Variants in INSR observed in about 807,000 individuals in gnomAD.
The protein encoded by INSR is insulin receptor, also known as IR.
In INSR, 67 loss-of-function variants were observed where a neutral mutation model predicts 142.6. That is an observed-to-expected ratio of 0.47 (90% CI 0.39 to 0.58). The LOEUF is 0.58. INSR is among the 20% of genes least tolerant of loss of function. The pLI, the probability that INSR is intolerant of heterozygous loss-of-function variation, is 0.00. For missense variants in INSR, 1,248 were observed against 1,833.2 expected (o/e 0.68, Z 5.83); for synonymous variants, 756 against 743.1 (o/e 1.02, Z -0.28).
rs1471757274 is a variant in INSR, at chr19:7,152,999, CACACACACACACA to C, written c.2030-85_2030-73del. 4.6e-3 allele frequency: 3,178 copies of C among 695,254 alleles called. 341 individuals are homozygous for C. In the African/African-American group the frequency reaches 0.06, roughly 13 times the overall value. The allele number at this position is 695,254 out of a possible 1,614,324, so 43.1% of individuals were successfully genotyped here. On this transcript the variant is annotated intron_variant, in intron 9 of 21. Coordinates refer to ENST00000302850, the MANE Select transcript of INSR (RefSeq NM_000208.4). ...CACACATACACACACACACACACCCCACACACACACACACCACACACACACACCACACACACAC... is the reference window on the plus strand; with the variant it reads ...CACACATACACACACACACACACCCCCCACACACACACACCACACACACAC...
chr19:7,264,388 C>T (rs554645228), intron 2 of INSR, among the ~76,000 whole-genome samples: 1 of 152,134 alleles, frequency 6.6e-6, no homozygotes, highest in Non-Finnish European at 1.5e-5. Flanking sequence ...CAGCAGGGAG[C>T]AGGAGACTCA....
intron 1 of INSR, among the ~76,000 whole-genome samples, chr19:7,292,477 G>C (rs889493271): frequency 1.3e-5 from 2 of 150,030 alleles, no homozygotes; most frequent in African/African-American, 4.9e-5. Flanking sequence ...GGCTGGGGGG[G>C]GGTGGGCCCG....
Position 7,116,022 on chromosome 19 carries a change from C to G in INSR, c.*1034G>C, listed in dbSNP as rs1444008785. On this transcript the variant is annotated 3_prime_UTR_variant, in exon 22 of 22. Transcript: ENST00000302850. ...AGTCAATAACTTATGAGGCTAATAC[C>G]AGAGACTTTAAAAATTAAATATGGT... 6.6e-6 allele frequency: 1 copy of G among 151,974 alleles called. No individual in the cohort carries two copies. Among genetic ancestry groups the G allele is most frequent in the Non-Finnish European group, 1.5e-5 (1 of 68,000 alleles). The allele number at this position is 151,974 out of a possible 1,614,324, so 9.4% of individuals were successfully genotyped here. A position where few individuals can be genotyped will look rare whatever the true frequency, so the allele number is the denominator to read the frequency against.
chr19:7,179,993 G>A (rs1455686085), intron 3 of INSR, among the ~76,000 whole-genome samples: 3 of 152,192 alleles, frequency 2.0e-5, no homozygotes, highest in African/African-American at 7.2e-5. Context: ...CTTCCTGGCT[G>A]CTGGGGTAAG....
In INSR at chr19:7,226,427, A is replaced by C. The variant is rs953352417; in HGVS notation, c.652+40918T>G. Among the ~76,000 whole-genome samples the C allele has an allele frequency of 6.6e-5, 10 of 150,534 alleles. No individual in the cohort carries two copies. In the East Asian group the frequency reaches 1.2e-3, roughly 18 times the overall value. On this transcript the variant is annotated intron_variant, in intron 2 of 21. Transcript: ENST00000302850. ...CCGTCTCAAGGGAAAAAAAAAAAAAAAAAAAACAACTCTAAGTACCAACTG... is the reference window on the plus strand; with the variant it reads ...CCGTCTCAAGGGAAAAAAAAAAAAACAAAAAACAACTCTAAGTACCAACTG...
chr19:7,196,439 G>T (rs965758783), intron 2 of INSR, among the ~76,000 whole-genome samples: 9 of 152,202 alleles, frequency 5.9e-5, no homozygotes, highest in Admixed American at 5.2e-4. Context: ...CCGTAAGCTT[G>T]AAACGACATC....
chr19:7,206,157 A>G (rs1216690307), intron 2 of INSR, among the ~76,000 whole-genome samples: 1 of 146,744 alleles, frequency 6.8e-6, no homozygotes, highest in African/African-American at 2.5e-5. Context: ...GGATTAAACC[A>G]GGGGTCCCCC....
intron 1 of INSR, chr19:7,268,687 T>C (rs1459417682): frequency 1.4e-6 from 1 of 736,026 alleles, no homozygotes; most frequent in African/African-American, 1.9e-5. Context: ...ACTCAAACAG[T>C]GCCTGAGACA....
At chr19:7,195,931 CTTT>C (rs903162924) in intron 2 of INSR, among the ~76,000 whole-genome samples, 2,255 of 54,784 alleles carry the variant, frequency 0.041, 24 homozygotes, top group Non-Finnish European at 0.07. Flanking sequence ...TCTTTTCTTT[CTTT>C]TTTTTTTTTT....
intron 2 of INSR, among the ~76,000 whole-genome samples, chr19:7,250,381 GGA>G (rs1367217394): frequency 4.9e-5 from 5 of 101,294 alleles, no homozygotes; most frequent in African/African-American, 2.3e-4. Context: ...GAGGGAGAGA[GGA>G]AGGGAGAGAA....
chr19:7,292,533 C>T (rs1256078950), intron 1 of INSR, among the ~76,000 whole-genome samples: 2 of 151,938 alleles, frequency 1.3e-5, no homozygotes, highest in South Asian at 4.2e-4. Context: ...TCAGCAAACC[C>T]GGTTGGTCCA....
chr19:7,133,119 G>A lies in INSR; in HGVS notation c.2683-802C>T, dbSNP rs557742713. ...TCCACAGAAAATAGAACAATTAGCC[G>A]GGCACGATGGTTCGCACCTGTAGTC... On this transcript the variant is annotated intron_variant, in intron 13 of 21. Transcript: ENST00000302850. Among the ~76,000 whole-genome samples, 24 of 151,910 alleles carry A rather than the reference G, an allele frequency of 1.6e-4. 2 individuals are homozygous for A. In the South Asian group the frequency reaches 4.2e-3, roughly 26 times the overall value.
intron 8 of INSR, among the ~76,000 whole-genome samples, chr19:7,165,692 G>A (rs1973872496): frequency 6.6e-6 from 1 of 151,808 alleles, no homozygotes; most frequent in Admixed American, 6.6e-5. Context: ...GCAACGTTCT[G>A]TCTCTACAAG....
chr19:7,158,552 A>T (rs1973672393), intron 9 of INSR, among the ~76,000 whole-genome samples: 1 of 152,114 alleles, frequency 6.6e-6, no homozygotes, highest in South Asian at 2.1e-4. Flanking sequence ...AGTCTCTAGA[A>T]TCAGATTCAC....
rs182524838 is a variant in INSR at position 7,183,880 on chromosome 19, G to A, written c.974+436C>T. Reference sequence around the variant, plus strand: ...TCGAGACCAGCCTGACCAACATGGCGAAACCCTGTCTCTATTAAAAATACA... The same window carrying A: ...TCGAGACCAGCCTGACCAACATGGCAAAACCCTGTCTCTATTAAAAATACA... On this transcript the variant is annotated intron_variant, in intron 3 of 21. Coordinates refer to ENST00000302850, the MANE Select transcript of INSR (RefSeq NM_000208.4). 1.8e-3 allele frequency among the ~76,000 whole-genome samples: 269 copies of A among 152,020 alleles called. 2 individuals are homozygous for A. Among genetic ancestry groups the A allele is most frequent in the African/African-American group, 6.1e-3 (253 of 41,468 alleles).
rs1972237293 is a variant in INSR at position 7,112,746 on chromosome 19, T to C, written c.*4310A>G. The C allele has an allele frequency of 6.6e-6, 1 of 151,560 alleles. No homozygotes were observed. Among genetic ancestry groups the C allele is most frequent in the Non-Finnish European group, 1.5e-5 (1 of 67,896 alleles). 9.4% of individuals were successfully genotyped at this position (151,560 alleles called of 1,614,324 possible). On this transcript the variant is annotated 3_prime_UTR_variant, in exon 22 of 22. Transcript: ENST00000302850. ...CTAGTATCAGAAGGTAAAAGTAAGC[T>C]CAAAAAGCCATTGTGTCCCCTCCCC...
chr19:7,289,468 T>C (rs1968433199), intron 1 of INSR, among the ~76,000 whole-genome samples: 2 of 147,560 alleles, frequency 1.4e-5, no homozygotes, highest in Non-Finnish European at 3.0e-5. Flanking sequence ...TGCAATGGTG[T>C]GATCTCGGCT....
At chr19:7,249,768 G>A (rs1207617309) in intron 2 of INSR, among the ~76,000 whole-genome samples, 10 of 152,214 alleles carry the variant, frequency 6.6e-5, no homozygotes, top group Middle Eastern at 3.4e-3. Context: ...CAAGGAGGGT[G>A]GATCACGAGG....
Position 7,192,014 on chromosome 19 carries a change from G to C in INSR, c.653-7377C>G, listed in dbSNP as rs928198061. Reference sequence around the variant, plus strand: ...AGGGGAGAGAGAGAGAAAGAAAGAAGAGGGAGAAAGAAAGAGAAAGAAAGA... The same window carrying C: ...AGGGGAGAGAGAGAGAAAGAAAGAACAGGGAGAAAGAAAGAGAAAGAAAGA... On this transcript the variant is annotated intron_variant, in intron 2 of 21. Coordinates refer to ENST00000302850, the MANE Select transcript of INSR (RefSeq NM_000208.4). The surrounding 1 kb of genome is among the most constrained non-coding windows in gnomAD (Gnocchi z 4.2). 6.8e-6 allele frequency among the ~76,000 whole-genome samples: 1 copy of C among 146,962 alleles called. No individual in the cohort carries two copies.
Sources: gnomAD v4.1 joint callset for allele counts (sites outside exome capture counted in the v4.1 genomes callset) on GRCh38, gnomAD v4.1.1 for gene constraint, Gnocchi (gnomAD v3.1) non-coding constraint, MANE v1.5 for transcripts, NCBI Gene and HGNC (gene_info 2026-07-23, HGNC 2026-07-21) for gene names.